ELL2: variants seen among roughly 807,000 people sequenced by gnomAD.
The protein encoded by ELL2 is elongation factor for RNA polymerase II 2.
In ELL2, 21 loss-of-function variants were observed where a neutral mutation model predicts 72.8. That is an observed-to-expected ratio of 0.29 (90% CI 0.20 to 0.42). The LOEUF is 0.42. Among genes scored for constraint, ELL2 ranks in the 10% least tolerant of loss-of-function variants. The pLI is 1.00. For synonymous variants in ELL2, 266 were observed against 283.2 expected (o/e 0.94, Z 0.61); for missense variants, 568 against 772.8 (o/e 0.73, Z 3.14).
chr5:95,913,518 A>C, intron 4 of ELL2: 1 of 330,912 alleles, frequency 3.0e-6, no homozygotes, highest in Non-Finnish European at 5.4e-6. Context: ...ACCAGATCCC[A>C]GTACTATAAA....
At position 95,906,666 on chromosome 5, in the gene ELL2, T is replaced by C; in HGVS notation, c.598A>G (p.Thr200Ala). The C allele has an allele frequency of 1.2e-6, 2 of 1,614,136 alleles. No homozygotes were observed. The highest frequency in any genetic ancestry group is 2.2e-5 in the East Asian group (1 of 44,882). The change falls in exon 5 of 12, where the codon ACC (threonine) becomes GCC (alanine). Residue 200 changes from threonine to alanine, a missense_variant. This residue lies in a region of ELL2 where 511 missense variants were observed against 728.4 expected (regional missense o/e 0.70). Coordinates refer to ENST00000237853, the MANE Select transcript of ELL2 (RefSeq NM_012081.6). ...TCCCTGTATGGCCTCTGAGAGATGG[T>C]GCTGCTGCTATGTGTCTTTCGAATT... ...NTIRKTHSSS[T>A]ISQRPYRDRV...
chr5:95,907,277 G>GATAT lies in ELL2; in HGVS notation c.482-499_482-496dup, dbSNP rs748817419. ...TCAACATCATGAGGCATCCGTTAGTGATATATATATATATATATATTTTTT... is the reference window on the plus strand; with the variant it reads ...TCAACATCATGAGGCATCCGTTAGTGATATATATATATATATATATATATTTTTT... On this transcript the variant is annotated intron_variant, in intron 4 of 11. Coordinates refer to ENST00000237853, the MANE Select transcript of ELL2 (RefSeq NM_012081.6). Among the ~76,000 whole-genome samples, 397 of 119,902 alleles carry GATAT rather than the reference G, an allele frequency of 3.3e-3. 12 individuals carry two copies. Among genetic ancestry groups the GATAT allele is most frequent in the African/African-American group, 0.013 (367 of 28,368 alleles). 78.7% of individuals were successfully genotyped at this position (119,902 alleles called of 152,430 possible). A position where few individuals can be genotyped will look rare whatever the true frequency, so the allele number is the denominator to read the frequency against.
In ELL2 at chr5:95,887,239, T is replaced by C. The variant is rs1003125448; in HGVS notation, c.*1632A>G. On this transcript the variant is annotated 3_prime_UTR_variant, in exon 12 of 12. Transcript: ENST00000237853. ...CTTGTTTCAGTCTTTGTATAGTCTGTATACTTCTGTATACATTTAGTATAT... is the reference window on the plus strand; with the variant it reads ...CTTGTTTCAGTCTTTGTATAGTCTGCATACTTCTGTATACATTTAGTATAT... The C allele has an allele frequency of 6.6e-6, 1 of 152,240 alleles. No individual in the cohort carries two copies. Among genetic ancestry groups the C allele is most frequent in the Non-Finnish European group, 1.5e-5 (1 of 68,026 alleles). 9.4% of individuals were successfully genotyped at this position (152,240 alleles called of 1,614,324 possible).
chr5:95,950,919 T>TATATGTATGTATGTAC (rs1561515373), intron 1 of ELL2, among the ~76,000 whole-genome samples: 19 of 97,784 alleles, frequency 1.9e-4, no homozygotes, highest in African/African-American at 1.0e-3. Flanking sequence ...TATATATATA[T>TATATGTATGTATGTAC]ATATATATAT....
Position 95,891,121 on chromosome 5 carries a change from T to C in ELL2, c.1743A>G (p.Pro581=). The C allele has an allele frequency of 1.2e-6, 2 of 1,614,166 alleles. No homozygotes were observed. Among genetic ancestry groups the C allele is most frequent in the African/African-American group, 2.7e-5 (2 of 75,032 alleles). The change falls in exon 10 of 12, where the codon CCA becomes CCG. Residue 581 remains proline (P), a synonymous_variant. Coordinates refer to ENST00000237853, the MANE Select transcript of ELL2 (RefSeq NM_012081.6). ...CATTTACCTGATACTCTTTTGAGCCTGGAGAAAGGCGCTTTCTTTGTGCAT... is the reference window on the plus strand; with the variant it reads ...CATTTACCTGATACTCTTTTGAGCCCGGAGAAAGGCGCTTTCTTTGTGCAT... ...KLDAQRKRLS[P]GSKEYQNVHE... is the part of the protein sequence containing the mutation.
intron 4 of ELL2, among the ~76,000 whole-genome samples, chr5:95,911,408 G>T (rs2112297967): frequency 6.6e-6 from 1 of 151,968 alleles, no homozygotes; most frequent in East Asian, 1.9e-4. Context: ...CACAATCTCG[G>T]CTCACTGCAA....
chr5:95,909,232 C>T (rs1203302668), intron 4 of ELL2, among the ~76,000 whole-genome samples: 1 of 152,152 alleles, frequency 6.6e-6, no homozygotes, highest in Non-Finnish European at 1.5e-5. Flanking sequence ...TACTTGGGGC[C>T]CATTGCTAGA....
intron 2 of ELL2, among the ~76,000 whole-genome samples, chr5:95,940,145 C>T (rs1448967963): frequency 1.3e-5 from 2 of 152,200 alleles, no homozygotes; most frequent in Non-Finnish European, 2.9e-5. Flanking sequence ...CAATGACCAT[C>T]TAATTTTCTG....
At chr5:95,922,417 G>T (rs1032870056) in intron 2 of ELL2, among the ~76,000 whole-genome samples, 1 of 152,140 alleles carries the variant, frequency 6.6e-6, no homozygotes, top group Non-Finnish European at 1.5e-5. Flanking sequence ...TATTTTTCAA[G>T]AGTGATTAGA....
In ELL2 at chr5:95,961,564, G is replaced by T; in HGVS notation, c.147+11C>A. ...CCTCTCTGAGCCCAGCCTGCCGGCC[G>T]GCCCGCTCACCTTGTGGCTCTGGTA... is the stretch of plus-strand genomic sequence containing the variant. On this transcript the variant is annotated intron_variant, in intron 1 of 11. Transcript: ENST00000237853. The T allele has an allele frequency of 6.4e-7, 1 of 1,573,412 alleles. No individual in the cohort carries two copies. Among genetic ancestry groups the T allele is most frequent in the South Asian group, 1.2e-5 (1 of 86,802 alleles).
Position 95,906,560 on chromosome 5 carries a change from T to A in ELL2, c.704A>T (p.Gln235Leu), listed in dbSNP as rs773358086. Residue 235 changes from glutamine (Q) to leucine (L), a missense_variant, in exon 5 of 12, where the codon CAA becomes CTA. This residue lies in a region of ELL2 where 511 missense variants were observed against 728.4 expected (regional missense o/e 0.70). Coordinates refer to ENST00000237853, the MANE Select transcript of ELL2 (RefSeq NM_012081.6). ...TGCTCCCAGGGAGTTCTTGTCTTTT[T>A]GATTGACACCATCTTTCTGGAGTCT... ...LARLQKDGVN[Q>L]KDKNSLGAIL... 3.7e-6 allele frequency: 6 copies of A among 1,613,802 alleles called. No individual in the cohort carries two copies. The highest frequency in any genetic ancestry group is 5.1e-6 in the Non-Finnish European group (6 of 1,179,744).
At chr5:95,896,111 A>T (rs1235114109) in intron 8 of ELL2, among the ~76,000 whole-genome samples, 1 of 152,238 alleles carries the variant, frequency 6.6e-6, no homozygotes, top group Non-Finnish European at 1.5e-5. Flanking sequence ...CAATAGAGTC[A>T]GGTAGCCGAC....
At chr5:95,910,124 A>G (rs570492485) in intron 4 of ELL2, among the ~76,000 whole-genome samples, 65 of 152,326 alleles carry the variant, frequency 4.3e-4, no homozygotes, top group African/African-American at 1.3e-3. Context: ...AAATGTTAGC[A>G]CTACAAAGGA....
chr5:95,904,966 CCTTT>C (rs1749298849), intron 5 of ELL2, among the ~76,000 whole-genome samples: 1 of 152,086 alleles, frequency 6.6e-6, no homozygotes, highest in African/African-American at 2.4e-5. Flanking sequence ...ATGTTGTTAG[CCTTT>C]CTGTGTTTTC....
intron 5 of ELL2, 136 bp downstream of exon 5, chr5:95,906,387 T>G: frequency 1.2e-6 from 1 of 864,940 alleles, no homozygotes; most frequent in Non-Finnish European, 1.6e-6. Flanking sequence ...AGGAGTTGTA[T>G]TTCACATACC....
intron 10 of ELL2, 44 bp downstream of exon 10, chr5:95,891,059 G>A (rs757258872): frequency 7.4e-6 from 12 of 1,612,732 alleles, no homozygotes; most frequent in Admixed American, 3.3e-5. Context: ...AAAGAAAGAA[G>A]GTAAAATATG....
intron 8 of ELL2, among the ~76,000 whole-genome samples, chr5:95,896,102 A>T (rs1748865094): frequency 6.6e-6 from 1 of 152,230 alleles, no homozygotes; most frequent in Non-Finnish European, 1.5e-5. Flanking sequence ...CGGATGAGAC[A>T]ATAGAGTCAG....
At position 95,950,888 on chromosome 5, in the gene ELL2, ATG is replaced by A. The variant is rs1409161093; in HGVS notation, c.148-7841_148-7840del. On this transcript the variant is annotated intron_variant, in intron 1 of 11. Transcript: ENST00000237853. ...TGCCAAGTTTTATTTATATATATAT[ATG>A]TATGTATGTATGTGTATATATATAT... Among the ~76,000 whole-genome samples, 161 of 101,742 alleles carry A rather than the reference ATG, an allele frequency of 1.6e-3. 3 individuals carry two copies. Among genetic ancestry groups the A allele is most frequent in the African/African-American group, 6.5e-3 (150 of 23,090 alleles). The allele number at this position is 101,742 out of a possible 152,430, so 66.7% of individuals were successfully genotyped here.
At chr5:95,954,234 G>A (rs1309218005) in intron 1 of ELL2, among the ~76,000 whole-genome samples, 3 of 151,984 alleles carry the variant, frequency 2.0e-5, no homozygotes, top group Non-Finnish European at 4.4e-5. Context: ...CTAAAAGACT[G>A]AGTGAATGTT....
Sources: allele counts gnomAD v4.1 joint callset (sites outside exome capture counted in the v4.1 genomes callset), GRCh38; gene constraint gnomAD v4.1.1; regional missense constraint gnomAD v4.1.1; transcripts MANE v1.5; gene names NCBI Gene and HGNC (gene_info 2026-07-23, HGNC 2026-07-21).